Variants in NR6A1 observed in about 807,000 individuals in gnomAD.
NR6A1 encodes nuclear receptor subfamily 6 group A member 1.
NR6A1 carries 7 observed loss-of-function variants against 59.1 expected under a neutral mutation model. The observed-to-expected ratio is 0.12, with a 90% CI of 0.07 to 0.22. The LOEUF (loss-of-function observed/expected upper bound fraction) is 0.22. NR6A1 is among the 10% of genes least tolerant of loss of function. The pLI is 1.00. For synonymous variants in NR6A1, 243 were observed against 236.1 expected (o/e 1.03, Z -0.27); for missense variants, 468 against 611.6 (o/e 0.77, Z 2.48).
chr9:124,695,834 TG>T (rs1231411249), intron 2 of NR6A1, among the ~76,000 whole-genome samples: 1 of 152,164 alleles, frequency 6.6e-6, no homozygotes, highest in Non-Finnish European at 1.5e-5. Context: ...ACACGTACTT[TG>T]AAAAATGTAC....
intron 2 of NR6A1, among the ~76,000 whole-genome samples, chr9:124,566,157 A>G (rs527744921): frequency 2.6e-5 from 4 of 152,266 alleles, no homozygotes; most frequent in Non-Finnish European, 5.9e-5. Context: ...TGACTTGTAC[A>G]AACAATGGGC....
At chr9:124,579,664 T>G (rs1423142464) in intron 2 of NR6A1, among the ~76,000 whole-genome samples, 1 of 152,072 alleles carries the variant, frequency 6.6e-6, no homozygotes, top group African/African-American at 2.4e-5. Flanking sequence ...ATGTAGCAAG[T>G]GAGAATACAA....
rs35401605 is a variant in NR6A1, at chr9:124,644,271, C to CTTTTTTTTTT, written c.142+89027_142+89036dup. On this transcript the variant is annotated intron_variant, in intron 2 of 9. Coordinates refer to ENST00000487099, the MANE Select transcript of NR6A1 (RefSeq NM_033334.4). Reference sequence around the variant, plus strand: ...CTGATCCTCTTGAAGATTAAGTCTTCTTTTTTTTTTTTTTTTTTTGAGACA... The same window carrying CTTTTTTTTTT: ...CTGATCCTCTTGAAGATTAAGTCTTCTTTTTTTTTTTTTTTTTTTTTTTTTTTTTGAGACA... Among the ~76,000 whole-genome samples, 57 of 96,740 alleles carry CTTTTTTTTTT rather than the reference C, an allele frequency of 5.9e-4. 4 individuals carry two copies. The highest frequency in any genetic ancestry group is 2.0e-3 in the African/African-American group (48 of 24,174). The allele number at this position is 96,740 out of a possible 152,430, so 63.5% of individuals were successfully genotyped here. A position where few individuals can be genotyped will look rare whatever the true frequency, so the allele number is the denominator to read the frequency against.
At chr9:124,664,279 C>A (rs926078192) in intron 2 of NR6A1, among the ~76,000 whole-genome samples, 16 of 152,176 alleles carry the variant, frequency 1.1e-4, no homozygotes, top group Non-Finnish European at 2.1e-4. Context: ...CTAAAGCAAA[C>A]AGCGGAAGTG....
intron 2 of NR6A1, among the ~76,000 whole-genome samples, chr9:124,725,160 C>T (rs1214710588): frequency 6.6e-6 from 1 of 152,174 alleles, no homozygotes; most frequent in Non-Finnish European, 1.5e-5. Flanking sequence ...AACAGAAGCA[C>T]AGAAAGGTTA....
At chr9:124,752,644 T>C (rs1346541490) in intron 1 of NR6A1, among the ~76,000 whole-genome samples, 2 of 152,186 alleles carry the variant, frequency 1.3e-5, no homozygotes, top group African/African-American at 4.8e-5. Flanking sequence ...GGAATGTTTA[T>C]GATGTCTTTA....
At chr9:124,546,101 G>A (rs1487817526) in intron 3 of NR6A1, among the ~76,000 whole-genome samples, 1 of 152,148 alleles carries the variant, frequency 6.6e-6, no homozygotes, top group Non-Finnish European at 1.5e-5. Flanking sequence ...GGCAACAAGA[G>A]CAAAACTCCA....
intron 2 of NR6A1, among the ~76,000 whole-genome samples, chr9:124,608,318 G>C (rs1189099168): frequency 1.3e-5 from 2 of 151,396 alleles, no homozygotes; most frequent in South Asian, 2.1e-4. Flanking sequence ...ACAGGCCCCA[G>C]TGTGTGTTGT....
chr9:124,722,674 C>G (rs556263788), intron 2 of NR6A1, among the ~76,000 whole-genome samples: 1 of 152,236 alleles, frequency 6.6e-6, no homozygotes, highest in East Asian at 1.9e-4. Flanking sequence ...ATGTAGAACT[C>G]TCCTTGGTGG....
intron 2 of NR6A1, among the ~76,000 whole-genome samples, chr9:124,712,813 G>A (rs993366459): frequency 6.6e-6 from 1 of 152,128 alleles, no homozygotes; most frequent in Non-Finnish European, 1.5e-5. Context: ...TTCAATCAGT[G>A]TAATTCACCA....
intron 2 of NR6A1, among the ~76,000 whole-genome samples, chr9:124,573,368 C>A (rs915650868): frequency 6.6e-6 from 1 of 152,200 alleles, no homozygotes; most frequent in Non-Finnish European, 1.5e-5. Flanking sequence ...TTCACTACCT[C>A]ACAACTACAT....
At chr9:124,553,281 C>A (rs750413637) in intron 3 of NR6A1, among the ~76,000 whole-genome samples, 1 of 152,184 alleles carries the variant, frequency 6.6e-6, no homozygotes, top group Non-Finnish European at 1.5e-5. Flanking sequence ...CTTCTCTCTT[C>A]TGTATCTAAG....
intron 2 of NR6A1, among the ~76,000 whole-genome samples, chr9:124,703,415 C>G (rs1839026166): frequency 6.7e-6 from 1 of 149,164 alleles, no homozygotes; most frequent in Non-Finnish European, 1.5e-5. Context: ...TCTATGTTAC[C>G]CAGGCTGGTC....
chr9:124,731,623 CCT>C (rs1326784775), intron 2 of NR6A1, among the ~76,000 whole-genome samples: 5 of 152,144 alleles, frequency 3.3e-5, no homozygotes, highest in Non-Finnish European at 5.9e-5. Context: ...AAGACCAACC[CCT>C]CTTTCTCCTC....
intron 3 of NR6A1, among the ~76,000 whole-genome samples, chr9:124,548,079 C>T (rs1004393129): frequency 1.5e-5 from 2 of 134,676 alleles, no homozygotes; most frequent in South Asian, 2.2e-4. Context: ...TGCAGGCACA[C>T]ACACACTTAC....
intron 2 of NR6A1, among the ~76,000 whole-genome samples, chr9:124,630,661 A>C (rs1455654139): frequency 7.4e-6 from 1 of 135,228 alleles, no homozygotes; most frequent in African/African-American, 2.9e-5. Context: ...TGGGCAAGTT[A>C]CTACATTTCT....
chr9:124,589,726 A>T (rs1442636549), intron 2 of NR6A1, among the ~76,000 whole-genome samples: 1 of 152,216 alleles, frequency 6.6e-6, no homozygotes, highest in Non-Finnish European at 1.5e-5. Flanking sequence ...CCATAAATAA[A>T]TATATCTGAT....
intron 2 of NR6A1, among the ~76,000 whole-genome samples, chr9:124,602,095 A>G (rs1235932450): frequency 6.6e-6 from 1 of 152,230 alleles, no homozygotes; most frequent in African/African-American, 2.4e-5. Flanking sequence ...TAAGTTTCCT[A>G]CCTGCGAACT....
chr9:124,746,714 T>TC (rs1490705976), intron 1 of NR6A1, among the ~76,000 whole-genome samples: 1 of 152,082 alleles, frequency 6.6e-6, no homozygotes, highest in Non-Finnish European at 1.5e-5. Context: ...CAAAAGATAC[T>TC]CTACAAAATA....
Sources: allele counts gnomAD v4.1 joint callset (sites outside exome capture counted in the v4.1 genomes callset), GRCh38; gene constraint gnomAD v4.1.1; transcripts MANE v1.5; gene names NCBI Gene and HGNC (gene_info 2026-07-23, HGNC 2026-07-21).